The following RBFOX1 variants were observed in gnomAD, a reference collection of about 807,000 sequenced individuals.
The protein encoded by RBFOX1 is RNA binding fox-1 homolog 1, also known as RNA binding protein fox-1 homolog 1.
Under a neutral mutation model 57.7 loss-of-function variants are expected in RBFOX1, and 8 were observed. The observed-to-expected ratio is 0.14, with a 90% confidence interval of 0.08 to 0.25. RBFOX1 has a LOEUF of 0.25. Ranked by LOEUF, RBFOX1 falls within the 10% of genes least tolerant of loss-of-function variation. The probability of loss-of-function intolerance (pLI) is 1.00; values close to 1 mark genes in which losing one functional copy is unlikely to be tolerated. For missense variants in RBFOX1, 611 were observed against 548.5 expected, an observed-to-expected ratio of 1.11 and a Z score of -1.14; for synonymous variants, 326 against 222.4, an observed-to-expected ratio of 1.47 and a Z score of -4.15.
intron 3 of RBFOX1, among the ~76,000 whole-genome samples, chr16:6,930,755 A>G (rs1216980728): frequency 6.6e-6 from 1 of 152,054 alleles, no homozygotes; most frequent in Non-Finnish European, 1.5e-5. Context: ...TTATATGTTT[A>G]TTGGCCACTT....
At chr16:7,334,336 C>T (rs980484368) in intron 4 of RBFOX1, among the ~76,000 whole-genome samples, 1 of 152,026 alleles carries the variant, frequency 6.6e-6, no homozygotes, top group Non-Finnish European at 1.5e-5. Flanking sequence ...GTTGCGTCTT[C>T]CCTGGTATAC....
intron 3 of RBFOX1, among the ~76,000 whole-genome samples, chr16:6,811,384 C>A (rs1006141269): frequency 1.3e-5 from 2 of 152,154 alleles, no homozygotes; most frequent in Non-Finnish European, 2.9e-5. Flanking sequence ...ATGTGATTAG[C>A]TTTTAGCTAG....
intron 6 of RBFOX1, among the ~76,000 whole-genome samples, chr16:7,580,582 G>A (rs2093681621): frequency 6.6e-6 from 1 of 152,176 alleles, no homozygotes; most frequent in African/African-American, 2.4e-5. Context: ...CCTTGCCCAG[G>A]CACCATGGTG....
Position 6,900,093 on chromosome 16 carries a change from C to T in RBFOX1, c.-15-151964C>T, listed in dbSNP as rs558816541. Reference sequence around the variant, plus strand: ...ACTCATAAAATGCTTAGAACAGTTCCTGGCACATGAAACAAAGGTTTATTT... The same window carrying T: ...ACTCATAAAATGCTTAGAACAGTTCTTGGCACATGAAACAAAGGTTTATTT... On this transcript the variant is annotated intron_variant, in intron 3 of 15. Transcript: ENST00000550418. 1.2e-4 allele frequency among the ~76,000 whole-genome samples: 19 copies of T among 152,216 alleles called. No homozygotes were observed. In the South Asian group the frequency reaches 2.5e-3, roughly 20 times the overall value.
chr16:7,298,045 A>G (rs547259122), intron 4 of RBFOX1, among the ~76,000 whole-genome samples: 1 of 152,198 alleles, frequency 6.6e-6, no homozygotes, highest in African/African-American at 2.4e-5. Context: ...TTCACATGTG[A>G]AATTTTGTTA....
At chr16:6,350,174 C>A (rs555770746) in intron 2 of RBFOX1, among the ~76,000 whole-genome samples, 1 of 152,006 alleles carries the variant, frequency 6.6e-6, no homozygotes, top group Non-Finnish European at 1.5e-5. Flanking sequence ...TGGTGTTTCA[C>A]GCCTGTAATC....
rs528540885 is a variant in RBFOX1, at chr16:6,079,549, C to T, written c.-127+59557C>T. On this transcript the variant is annotated intron_variant, in intron 1 of 15. Transcript: ENST00000550418. ...GTGTTGTCCAGGCTGGTCTCAAACTCCTGGGCTCAACTGATCCACCAGCCT... is the reference window on the plus strand; with the variant it reads ...GTGTTGTCCAGGCTGGTCTCAAACTTCTGGGCTCAACTGATCCACCAGCCT... 6.6e-5 allele frequency among the ~76,000 whole-genome samples: 10 copies of T among 151,260 alleles called. No individual in the cohort carries two copies. The East Asian group carries it at 1.8e-3, about 28-fold the overall frequency.
intron 3 of RBFOX1, among the ~76,000 whole-genome samples, chr16:6,907,561 T>C (rs1027155012): frequency 2.6e-5 from 4 of 152,040 alleles, no homozygotes; most frequent in African/African-American, 9.7e-5. Context: ...CTTCTGTTTT[T>C]GTTTGTATGT....
At chr16:5,732,323 T>C (rs2052405970) in intron 3 of RBFOX1, among the ~76,000 whole-genome samples, 1 of 152,206 alleles carries the variant, frequency 6.6e-6, no homozygotes, top group Admixed American at 6.5e-5. Context: ...GAACGTACCT[T>C]CTTCATTAAA....
At chr16:6,334,568 G>T (rs1332638590) in intron 2 of RBFOX1, among the ~76,000 whole-genome samples, 3 of 150,834 alleles carry the variant, frequency 2.0e-5, no homozygotes, top group African/African-American at 4.9e-5. Context: ...TGAGAAATAA[G>T]ATTCAATATC....
intron 1 of RBFOX1, among the ~76,000 whole-genome samples, chr16:6,223,761 C>T (rs969020161): frequency 5.3e-5 from 8 of 152,202 alleles, no homozygotes; most frequent in African/African-American, 1.7e-4. Flanking sequence ...GTGTTTTAGA[C>T]ATGAAGTCCT....
chr16:6,912,786 T>C (rs1420331885), intron 3 of RBFOX1, among the ~76,000 whole-genome samples: 1 of 151,198 alleles, frequency 6.6e-6, no homozygotes, highest in Admixed American at 6.6e-5. Flanking sequence ...CGTGCCCGCC[T>C]AATTTTTTTT....
chr16:5,565,493 C>T lies in RBFOX1; in HGVS notation c.259-33409C>T, dbSNP rs536251845. Among the ~76,000 whole-genome samples the T allele has an allele frequency of 2.0e-5, 3 of 152,106 alleles. No homozygotes were observed. The East Asian group carries it at 5.8e-4, about 30-fold the overall frequency. ...ATACAAAATTAGCTGGGCATGGTGG[C>T]ACCTGCGTATAATCCCAGCTACTTG... is the stretch of plus-strand genomic sequence containing the variant. On this transcript the variant is annotated intron_variant, in intron 2 of 2. Transcript: ENST00000585867.
At chr16:6,152,427 A>T (rs142030159) in intron 1 of RBFOX1, among the ~76,000 whole-genome samples, 1 of 152,116 alleles carries the variant, frequency 6.6e-6, no homozygotes, top group Non-Finnish European at 1.5e-5. Context: ...AGGCCTGTTT[A>T]CTTCAAGGTA....
intron 2 of RBFOX1, among the ~76,000 whole-genome samples, chr16:5,469,933 A>T (rs567195087): frequency 6.6e-6 from 1 of 152,140 alleles, no homozygotes; most frequent in Non-Finnish European, 1.5e-5. Flanking sequence ...CCTTTTGTCT[A>T]TTGCAAAGAG....
chr16:6,159,484 C>G (rs1364270249), intron 1 of RBFOX1, among the ~76,000 whole-genome samples: 1 of 152,100 alleles, frequency 6.6e-6, no homozygotes, highest in Non-Finnish European at 1.5e-5. Context: ...TTTGTGTTCA[C>G]CAGAGGACAG....
chr16:6,560,272 G>C (rs909225831), intron 2 of RBFOX1, among the ~76,000 whole-genome samples: 1 of 151,764 alleles, frequency 6.6e-6, no homozygotes, highest in African/African-American at 2.4e-5. Context: ...AGCAAATTGT[G>C]TTAGAACATG....
At chr16:6,487,527 C>A (rs182328464) in intron 2 of RBFOX1, among the ~76,000 whole-genome samples, 1 of 151,190 alleles carries the variant, frequency 6.6e-6, no homozygotes, top group East Asian at 1.9e-4. Flanking sequence ...AAGAAAAGAG[C>A]TGTGGTTAGT....
intron 3 of RBFOX1, among the ~76,000 whole-genome samples, chr16:6,741,208 T>A (rs1415805133): frequency 6.6e-6 from 1 of 152,134 alleles, no homozygotes; most frequent in East Asian, 1.9e-4. Context: ...GACCTAAACT[T>A]CACATCTCAT....
Sources: allele counts gnomAD v4.1 joint callset (sites outside exome capture counted in the v4.1 genomes callset), GRCh38; gene constraint gnomAD v4.1.1; transcripts MANE v1.5; gene names NCBI Gene and HGNC (gene_info 2026-07-23, HGNC 2026-07-21).